SP140: variants seen among roughly 807,000 people sequenced by gnomAD.
SP140 encodes the protein SP140 nuclear body protein.
In SP140, 81 loss-of-function variants were observed where a neutral mutation model predicts 125.0. The observed-to-expected ratio is 0.65, with a 90% CI of 0.54 to 0.78. The LOEUF is 0.78. SP140 is among the 30% of genes least tolerant of loss of function. The pLI, the probability that SP140 is intolerant of heterozygous loss-of-function variation, is 0.00. For missense variants in SP140, 858 were observed against 1,037.0 expected (o/e 0.83, Z 2.37); for synonymous variants, 312 against 354.0 (o/e 0.88, Z 1.33).
At chr2:230,293,462 G>A (rs569896930) in intron 20 of SP140, among the ~76,000 whole-genome samples, 24 of 152,202 alleles carry the variant, frequency 1.6e-4, no homozygotes, top group African/African-American at 5.1e-4. Flanking sequence ...TCAGCCTCTC[G>A]AGTAGCTGGA....
intron 3 of SP140, chr2:230,214,863 G>C: frequency 6.4e-6 from 7 of 1,094,768 alleles, no homozygotes; most frequent in Non-Finnish European, 9.9e-6. Context: ...GGGGATTAAC[G>C]TGCATATTCC....
intron 21 of SP140, among the ~76,000 whole-genome samples, chr2:230,296,025 G>T (rs896727672): frequency 8.6e-5 from 13 of 151,732 alleles, no homozygotes; most frequent in Non-Finnish European, 1.9e-4. Flanking sequence ...AATCATTGGA[G>T]CCCAGGAATT....
chr2:230,298,335 G>T (rs2057955406), intron 22 of SP140, among the ~76,000 whole-genome samples: 1 of 152,196 alleles, frequency 6.6e-6, no homozygotes, highest in East Asian at 1.9e-4. Flanking sequence ...AGAATATCAT[G>T]CAATAGCACT....
At chr2:230,230,686 G>C (rs2047114867) in intron 1 of SP140, among the ~76,000 whole-genome samples, 2 of 152,172 alleles carry the variant, frequency 1.3e-5, no homozygotes, top group African/African-American at 4.8e-5. Flanking sequence ...TCCTCTCACT[G>C]TCATGATTTT....
chr2:230,313,356 A>G (rs989807632), downstream of SP140: 3 of 152,100 alleles, frequency 2.0e-5, no homozygotes, highest in South Asian at 2.1e-4. Flanking sequence ...TTCATCCCCA[A>G]CTGCTGAGTG....
chr2:230,312,623 C>T lies in SP140; in HGVS notation c.2543C>T (p.Ala848Val). Residue 848 changes from alanine to valine, a missense_variant, in exon 27 of 27, where the codon GCT (alanine) becomes GTT (valine). Physicochemically the swap from Ala to Val is moderately conservative, Grantham distance 64. This residue lies in a region of SP140 where 43 missense variants were observed against 35.1 expected (regional missense o/e 1.23). Coordinates refer to ENST00000392045, the MANE Select transcript of SP140 (RefSeq NM_007237.5). The part of the protein sequence containing the change: ...DFGQMGFRLE[A>V]EFEKNFKEVF... ...GGCCAAATGGGATTTAGACTGGAGG[C>T]TGAGTTTGAGAAGAATTTCAAGGAA... 1 of 1,612,608 alleles carries T rather than the reference C, an allele frequency of 6.2e-7. No homozygotes were observed. The highest frequency in any genetic ancestry group is 8.5e-7 in the Non-Finnish European group (1 of 1,179,196).
chr2:230,196,048 A>G, the SP140 span, among the ~76,000 whole-genome samples: 1 of 152,212 alleles, frequency 6.6e-6, no homozygotes, highest in East Asian at 1.9e-4. Context: ...AAGGATACCT[A>G]AACATTTAAA....
intron 10 of SP140, among the ~76,000 whole-genome samples, chr2:230,252,198 T>C (rs1353639188): frequency 6.6e-6 from 1 of 151,202 alleles, no homozygotes; most frequent in African/African-American, 2.4e-5. Flanking sequence ...CCAGGAAAGA[T>C]ACACAGAGAT....
At chr2:230,245,357 A>G (rs2049282125) in intron 6 of SP140, among the ~76,000 whole-genome samples, 2 of 152,190 alleles carry the variant, frequency 1.3e-5, no homozygotes, top group South Asian at 4.1e-4. Context: ...TTTTATCTAC[A>G]TGAATATTGA....
chr2:230,302,913 G>A (rs993762001), intron 22 of SP140, among the ~76,000 whole-genome samples: 1 of 152,148 alleles, frequency 6.6e-6, no homozygotes, highest in Non-Finnish European at 1.5e-5. Flanking sequence ...GAAAAGCAAT[G>A]CTAAGAGGAA....
intron 15 of SP140, among the ~76,000 whole-genome samples, chr2:230,271,909 C>T (rs1320239664): frequency 6.6e-6 from 1 of 152,112 alleles, no homozygotes; most frequent in African/African-American, 2.4e-5. Flanking sequence ...AGAGACGTAG[C>T]ATGTGACTCA....
Position 230,285,849 on chromosome 2 carries a change from C to A in SP140, c.1645+17C>A. On this transcript the variant is annotated intron_variant, in intron 17 of 26. Transcript: ENST00000392045. Reference sequence around the variant, plus strand: ...AGATTAGGGGTAAGATAAAGTTTGTCCGCTTTCCCTTTGCCCTACAGGTCA... The same window carrying A: ...AGATTAGGGGTAAGATAAAGTTTGTACGCTTTCCCTTTGCCCTACAGGTCA... The A allele has an allele frequency of 6.3e-7, 1 of 1,589,244 alleles. No homozygotes were observed. The highest frequency in any genetic ancestry group is 8.6e-7 in the Non-Finnish European group (1 of 1,157,448).
At position 230,312,696 on chromosome 2, in the gene SP140, G is replaced by A; in HGVS notation, c.*12G>A. 6.4e-7 allele frequency: 1 copy of A among 1,570,236 alleles called. No homozygotes were observed. Among genetic ancestry groups the A allele is most frequent in the Non-Finnish European group, 8.8e-7 (1 of 1,141,798 alleles). The stretch of plus-strand genomic sequence containing the variant: ...ATGGGAACAATTGACTGGATTAGTG[G>A]ATGCTGAAAGCATTCAGCAAATGGC... On this transcript the variant is annotated 3_prime_UTR_variant, in exon 27 of 27. Transcript: ENST00000392045.
intron 9 of SP140, 75 bp from the exon 10 acceptor site, chr2:230,250,906 A>G: frequency 1.3e-6 from 2 of 1,538,510 alleles, no homozygotes; most frequent in East Asian, 2.3e-5. Context: ...CCCACCTAGG[A>G]GATACTTCAG....
intron 15 of SP140, among the ~76,000 whole-genome samples, chr2:230,275,930 G>T (rs149567776): frequency 4.2e-4 from 64 of 152,252 alleles, no homozygotes; most frequent in African/African-American, 1.5e-3. Context: ...TCCAGAGTGA[G>T]GCCTAAACTC....
upstream of SP140, among the ~76,000 whole-genome samples, chr2:230,223,098 G>A (rs368553787): frequency 5.0e-4 from 76 of 150,518 alleles, no homozygotes; most frequent in African/African-American, 1.8e-3. Context: ...GTGCTGTGGC[G>A]CAATCTTGGC....
upstream of SP140, chr2:230,201,070 C>A: frequency 5.7e-6 from 5 of 871,052 alleles, no homozygotes; most frequent in Non-Finnish European, 9.8e-6. Context: ...GTCTTGGAGG[C>A]TCCAGGTCTT....
At chr2:230,309,838 A>T (rs899441685) in intron 22 of SP140, 86 bp from the exon 23 acceptor site, 1 of 1,381,518 alleles carries the variant, frequency 7.2e-7, no homozygotes, top group African/African-American at 1.4e-5. Context: ...AGGTTCACAC[A>T]AAGGCAGTGT....
intron 12 of SP140, 103 bp downstream of exon 12, chr2:230,255,635 C>G (rs1000396932): frequency 1.0e-6 from 1 of 975,570 alleles, no homozygotes; most frequent in Non-Finnish European, 1.6e-6. Flanking sequence ...ATATACCTCA[C>G]AGTGAAAGGA....
Sources: allele counts gnomAD v4.1 joint callset (sites outside exome capture counted in the v4.1 genomes callset), GRCh38; gene constraint gnomAD v4.1.1; regional missense constraint gnomAD v4.1.1; transcripts MANE v1.5; gene names NCBI Gene and HGNC (gene_info 2026-07-23, HGNC 2026-07-21).